Variants in MRPS6 observed in about 807,000 individuals in gnomAD.
MRPS6 encodes the protein mitochondrial ribosomal protein S6.
Under a neutral mutation model 13.1 loss-of-function variants are expected in MRPS6, and 6 were observed. The ratio of observed to expected loss-of-function variants is 0.46; its 90% CI spans 0.25 to 0.91. MRPS6 has a LOEUF of 0.91. Ranked by LOEUF, MRPS6 falls within the 40% of genes least tolerant of loss-of-function variation. The probability of loss-of-function intolerance (pLI) is 0.18; values close to 1 mark genes in which losing one functional copy is unlikely to be tolerated. For synonymous variants in MRPS6, 61 were observed against 56.5 expected (o/e 1.08, Z -0.36); for missense variants, 164 against 155.6 (o/e 1.05, Z -0.29).
At chr21:34,076,170 T>C (rs1989326026) in intron 1 of MRPS6, among the ~76,000 whole-genome samples, 2 of 152,232 alleles carry the variant, frequency 1.3e-5, no homozygotes, top group South Asian at 2.1e-4. Flanking sequence ...ACTATAGTTT[T>C]CCAGCCTTTG....
intron 1 of MRPS6, among the ~76,000 whole-genome samples, chr21:34,094,568 G>C (rs908489180): frequency 6.6e-6 from 1 of 152,128 alleles, no homozygotes; most frequent in African/African-American, 2.4e-5. Flanking sequence ...ACCACAGTAA[G>C]ACAAGAAAGG....
In MRPS6 at chr21:34,131,675, T is replaced by C. The variant is rs367950976; in HGVS notation, c.185+6195T>C. Among the ~76,000 whole-genome samples, 16 of 152,334 alleles carry C rather than the reference T, an allele frequency of 1.1e-4. No individual in the cohort carries two copies. The South Asian group carries it at 2.9e-3, about 28-fold the overall frequency. ...CACAGGTTGTTTCTAGGCCTGACTT[T>C]CTTCATGTGTAAAAATAGAAATGCG... On this transcript the variant is annotated intron_variant, in intron 2 of 2. Transcript: ENST00000399312.
At chr21:34,095,702 G>C (rs750330466) in intron 1 of MRPS6, 1 of 1,613,800 alleles carries the variant, frequency 6.2e-7, no homozygotes, top group Non-Finnish European at 8.5e-7. Flanking sequence ...TCATTGGCAT[G>C]ACTGCTTTGC....
chr21:34,087,676 C>T (rs1035757266), intron 1 of MRPS6, among the ~76,000 whole-genome samples: 9 of 152,166 alleles, frequency 5.9e-5, no homozygotes, highest in Non-Finnish European at 8.8e-5. Flanking sequence ...GTGTTGCCTG[C>T]ATAGGAAATA....
chr21:34,131,895 T>G (rs996231708), intron 2 of MRPS6, among the ~76,000 whole-genome samples: 3 of 152,194 alleles, frequency 2.0e-5, no homozygotes, highest in Non-Finnish European at 4.4e-5. Flanking sequence ...GGGCTGCATA[T>G]TCCAGGAGGA....
chr21:34,100,071 A>T, intron 1 of MRPS6: 3 of 996,950 alleles, frequency 3.0e-6, no homozygotes, highest in Non-Finnish European at 3.6e-6. Flanking sequence ...TTAGACATTA[A>T]CATGTGTATA....
chr21:34,126,759 C>T (rs919741144), intron 2 of MRPS6, among the ~76,000 whole-genome samples: 4 of 152,186 alleles, frequency 2.6e-5, no homozygotes, highest in Non-Finnish European at 5.9e-5. Flanking sequence ...AGTTTCTCCA[C>T]TCATGTAGTA....
chr21:34,142,584 A>G lies in MRPS6; in HGVS notation c.362A>G (p.Lys121Arg), dbSNP rs1270741598. 1 of 1,602,712 alleles carries G rather than the reference A, an allele frequency of 6.2e-7. No homozygotes were observed. Among genetic ancestry groups the G allele is most frequent in the Non-Finnish European group, 8.5e-7 (1 of 1,176,372 alleles). ...CTCGCAGAAAAATTATATTCCACAAAGAAGAGGAAGAAGTGAGAAGATTCG... is the reference window on the plus strand; with the variant it reads ...CTCGCAGAAAAATTATATTCCACAAGGAAGAGGAAGAAGTGAGAAGATTCG... Reference protein sequence around the residue: ...VPLAEKLYSTKKRKK With the variant: ...VPLAEKLYSTRKRKK The change falls in exon 3 of 3, where the codon AAG (lysine) becomes AGG (arginine). Residue 121 changes from lysine (K) to arginine (R), a missense_variant. Transcript: ENST00000399312.
chr21:34,078,379 C>T (rs1292496817), intron 1 of MRPS6, among the ~76,000 whole-genome samples: 2 of 152,162 alleles, frequency 1.3e-5, no homozygotes, highest in African/African-American at 4.8e-5. Flanking sequence ...CCCTGAGCTA[C>T]AGCTAAGGTA....
At chr21:34,097,576 C>G in intron 1 of MRPS6, 1 of 1,297,406 alleles carries the variant, frequency 7.7e-7, no homozygotes, top group South Asian at 2.3e-5. Flanking sequence ...CTGAATTGTG[C>G]AAATGTGGTT....
chr21:34,137,737 C>G (rs145065027), intron 2 of MRPS6, among the ~76,000 whole-genome samples: 2 of 150,382 alleles, frequency 1.3e-5, no homozygotes, highest in Non-Finnish European at 3.0e-5. Flanking sequence ...CAAAGATGCT[C>G]TTTATAAGTT....
intron 1 of MRPS6, chr21:34,101,453 T>G (rs1979234001): frequency 1.0e-6 from 1 of 1,000,184 alleles, no homozygotes; most frequent in Non-Finnish European, 1.2e-6. Flanking sequence ...GATGCTAGGT[T>G]GTTGAAGGCA....
At chr21:34,089,253 A>G (rs184121639) in intron 1 of MRPS6, among the ~76,000 whole-genome samples, 1 of 152,096 alleles carries the variant, frequency 6.6e-6, no homozygotes, top group East Asian at 1.9e-4. Flanking sequence ...CCTGGCCTCA[A>G]GTGATCCACC....
intron 1 of MRPS6, chr21:34,102,034 T>C: frequency 1.0e-6 from 1 of 1,000,174 alleles, no homozygotes; most frequent in African/African-American, 1.7e-5. Flanking sequence ...TACTGGAACG[T>C]ATGAGGCTGG....
At chr21:34,105,834 G>T (rs140597425) in intron 1 of MRPS6, 1 of 995,240 alleles carries the variant, frequency 1.0e-6, no homozygotes, top group Non-Finnish European at 1.2e-6. Context: ...TATAAAGCAG[G>T]TTATTTCTAT....
chr21:34,138,818 C>T (rs1980797804), intron 2 of MRPS6, among the ~76,000 whole-genome samples: 2 of 152,106 alleles, frequency 1.3e-5, no homozygotes, highest in African/African-American at 4.8e-5. Context: ...ACCATTTGAC[C>T]CAGCCATCCC....
At chr21:34,129,638 C>T (rs568745242) in intron 2 of MRPS6, among the ~76,000 whole-genome samples, 7 of 152,276 alleles carry the variant, frequency 4.6e-5, no homozygotes, top group African/African-American at 1.2e-4. Flanking sequence ...TTTACTGACT[C>T]GCTTCCCAAA....
chr21:34,095,445 G>C (rs1978924433), intron 1 of MRPS6: 1 of 1,613,976 alleles, frequency 6.2e-7, no homozygotes, highest in Non-Finnish European at 8.5e-7. Flanking sequence ...GGGCGCATGG[G>C]AATTCAATGC....
intron 2 of MRPS6, 108 bp from the exon 3 acceptor site, chr21:34,142,300 G>A (rs1602974405): frequency 3.3e-6 from 4 of 1,206,438 alleles, no homozygotes; most frequent in East Asian, 5.1e-5. Flanking sequence ...GTGTGTGTTT[G>A]TGTGTAGTTG....
Sources: gnomAD v4.1 joint callset for allele counts (sites outside exome capture counted in the v4.1 genomes callset) on GRCh38, gnomAD v4.1.1 for gene constraint, MANE v1.5 for transcripts, NCBI Gene and HGNC (gene_info 2026-07-23, HGNC 2026-07-21) for gene names.